RIMBP2: variants seen among roughly 807,000 people sequenced by gnomAD.
RIMBP2 encodes the protein RIMS binding protein 2.
A neutral mutation model predicts 118.6 loss-of-function variants in RIMBP2; 48 were observed. The ratio of observed to expected loss-of-function variants is 0.40; its 90% CI spans 0.32 to 0.51. RIMBP2 has a LOEUF of 0.51. Ranked by LOEUF, RIMBP2 falls within the 20% of genes least tolerant of loss-of-function variation. The pLI is 0.41. For missense variants in RIMBP2, 1,551 were observed against 1,768.3 expected (o/e 0.88, Z 2.20); for synonymous variants, 762 against 742.9 (o/e 1.03, Z -0.42).
At chr12:130,415,629 G>A (rs548263367) in intron 17 of RIMBP2, among the ~76,000 whole-genome samples, 20 of 78,734 alleles carry the variant, frequency 2.5e-4, no homozygotes, top group African/African-American at 5.2e-4. Context: ...CTGATGATAC[G>A]GCATCCATAT....
At chr12:130,480,066 T>C (rs1020211306) in intron 4 of RIMBP2, among the ~76,000 whole-genome samples, 1 of 151,640 alleles carries the variant, frequency 6.6e-6, no homozygotes, top group African/African-American at 2.4e-5. Flanking sequence ...TGGGTAGAAA[T>C]GGCCACAGCG....
rs80322150 is a variant in RIMBP2 at position 130,681,297 on chromosome 12, A to T, written c.-352+34925T>A. ...TATCTCTAAAAAAAAATAAAAAATAAAAATAAATGCATGTACTTTTTACAA... is the reference window on the plus strand; with the variant it reads ...TATCTCTAAAAAAAAATAAAAAATATAAATAAATGCATGTACTTTTTACAA... On this transcript the variant is annotated intron_variant, in intron 1 of 22. Coordinates refer to ENST00000690449, the MANE Select transcript of RIMBP2 (RefSeq NM_001393629.1). 7.9e-5 allele frequency among the ~76,000 whole-genome samples: 12 copies of T among 151,046 alleles called. No homozygotes were observed. In the East Asian group the frequency reaches 1.6e-3, roughly 20 times the overall value.
chr12:130,572,729 G>A (rs962990444), intron 2 of RIMBP2, among the ~76,000 whole-genome samples: 2 of 152,056 alleles, frequency 1.3e-5, no homozygotes, highest in African/African-American at 4.8e-5. Flanking sequence ...GACTCACAGG[G>A]TTTCTCGGTG....
intron 1 of RIMBP2, among the ~76,000 whole-genome samples, chr12:130,645,823 A>C (rs1052986221): frequency 3.9e-5 from 6 of 152,148 alleles, no homozygotes; most frequent in Non-Finnish European, 7.4e-5. Flanking sequence ...ACTTTCTTTG[A>C]ATAGAAAGAT....
chr12:130,439,143 ATGTG>A (rs2077794736), intron 11 of RIMBP2, among the ~76,000 whole-genome samples: 1 of 151,682 alleles, frequency 6.6e-6, no homozygotes, highest in African/African-American at 2.4e-5. Flanking sequence ...GTGTGTGTAT[ATGTG>A]TGTATGTGTG....
intron 2 of RIMBP2, among the ~76,000 whole-genome samples, chr12:130,583,303 A>T (rs1286420428): frequency 1.3e-5 from 2 of 152,120 alleles, no homozygotes; most frequent in Non-Finnish European, 2.9e-5. Flanking sequence ...TAAATAAGCT[A>T]ATGAAAGAAA....
At chr12:130,528,524 A>G (rs2053045657) in intron 2 of RIMBP2, among the ~76,000 whole-genome samples, 1 of 152,162 alleles carries the variant, frequency 6.6e-6, no homozygotes, top group Admixed American at 6.5e-5. Flanking sequence ...CTAGGTGATG[A>G]GTTGATAGGT....
intron 1 of RIMBP2, among the ~76,000 whole-genome samples, chr12:130,679,881 C>T (rs527456747): frequency 2.9e-3 from 432 of 150,558 alleles, no homozygotes; most frequent in Admixed American, 8.5e-3. Context: ...TCGCCCGCCA[C>T]GGGAAGGATC....
In RIMBP2 at chr12:130,422,328, A is replaced by G; in HGVS notation, c.3238+125T>C. The G allele has an allele frequency of 1.7e-6, 1 of 582,760 alleles. No homozygotes were observed. The highest frequency in any genetic ancestry group is 3.1e-6 in the Non-Finnish European group (1 of 325,480). The allele number at this position is 582,760 out of a possible 1,614,324, so 36.1% of individuals were successfully genotyped here. On this transcript the variant is annotated intron_variant, in intron 17 of 22. Coordinates refer to ENST00000690449, the MANE Select transcript of RIMBP2 (RefSeq NM_001393629.1). This position sits in a 1 kb window ranked among gnomAD's most constrained non-coding sequence, Gnocchi z 5.2. ...GTGCTGTTCCTGCCTTCTTTTTGCCATGAATAACAGTGTTCTTTGCTTAGC... is the reference window on the plus strand; with the variant it reads ...GTGCTGTTCCTGCCTTCTTTTTGCCGTGAATAACAGTGTTCTTTGCTTAGC...
At chr12:130,630,983 C>A (rs891104202) in intron 1 of RIMBP2, among the ~76,000 whole-genome samples, 1 of 151,968 alleles carries the variant, frequency 6.6e-6, no homozygotes, top group Non-Finnish European at 1.5e-5. Context: ...GGGAAAGCCA[C>A]GGGATCCAGG....
In RIMBP2 at chr12:130,414,072, C is replaced by A; in HGVS notation, c.3420+53G>T. The A allele has an allele frequency of 1.9e-6, 3 of 1,587,134 alleles. No homozygotes were observed. The Admixed American group carries it at 5.0e-5, about 26-fold the overall frequency. ...CTGTTGCCAGTCTCTGCCCCCATGA[C>A]CCAGACCCGCCTCAGGGGCTGATGA... is the stretch of plus-strand genomic sequence containing the variant. On this transcript the variant is annotated intron_variant, in intron 18 of 22. Coordinates refer to ENST00000690449, the MANE Select transcript of RIMBP2 (RefSeq NM_001393629.1).
rs568942777 is a variant in RIMBP2, at chr12:130,617,445, G to C, written c.-217+10877C>G. Among the ~76,000 whole-genome samples the C allele has an allele frequency of 9.2e-5, 14 of 152,342 alleles. No homozygotes were observed. The South Asian group carries it at 2.7e-3, about 29-fold the overall frequency. On this transcript the variant is annotated intron_variant, in intron 2 of 22. Transcript: ENST00000690449. The surrounding 1 kb of genome is among the most constrained non-coding windows in gnomAD (Gnocchi z 4.6). ...TAGCACACATTGCCCTGGGGCACCA[G>C]CTGAGAGTTCAGTCAATGCTGTGGC...
intron 19 of RIMBP2, among the ~76,000 whole-genome samples, chr12:130,408,828 C>T (rs923388359): frequency 6.6e-6 from 1 of 152,214 alleles, no homozygotes; most frequent in African/African-American, 2.4e-5. Flanking sequence ...ATCTCAACGG[C>T]AACTAAAGTC....
chr12:130,532,270 C>T (rs578216826), intron 2 of RIMBP2, among the ~76,000 whole-genome samples: 2 of 142,268 alleles, frequency 1.4e-5, no homozygotes, highest in Admixed American at 7.1e-5. Context: ...TAATGAGATG[C>T]GTATGTTTAG....
intron 2 of RIMBP2, among the ~76,000 whole-genome samples, chr12:130,598,332 T>G (rs1240602904): frequency 6.6e-6 from 1 of 152,070 alleles, no homozygotes; most frequent in Non-Finnish European, 1.5e-5. Context: ...AGATTCAACA[T>G]GACCCTGTCA....
In RIMBP2 at chr12:130,455,219, G is replaced by A. The variant is rs148989102; in HGVS notation, c.358+1277C>T. Reference sequence around the variant, plus strand: ...TTTTCCCCTGGGAAGAACGGAAACCGTCTTGTTTTCCTCCACTCTTCAGGT... The same window carrying A: ...TTTTCCCCTGGGAAGAACGGAAACCATCTTGTTTTCCTCCACTCTTCAGGT... On this transcript the variant is annotated intron_variant, in intron 7 of 22. Coordinates refer to ENST00000690449, the MANE Select transcript of RIMBP2 (RefSeq NM_001393629.1). Among the ~76,000 whole-genome samples, 48 of 152,358 alleles carry A rather than the reference G, an allele frequency of 3.2e-4. No homozygotes were observed. In the East Asian group the frequency reaches 8.1e-3, roughly 26 times the overall value.
At chr12:130,401,171 A>C (rs1166125872) in intron 21 of RIMBP2, among the ~76,000 whole-genome samples, 3 of 152,098 alleles carry the variant, frequency 2.0e-5, no homozygotes, top group Non-Finnish European at 4.4e-5. Flanking sequence ...GCTGAAGTGC[A>C]GTAGCGTGAT....
At chr12:130,584,231 T>TCACCAC (rs1402138240) in intron 2 of RIMBP2, among the ~76,000 whole-genome samples, 1 of 29,700 alleles carries the variant, frequency 3.4e-5, no homozygotes, top group African/African-American at 7.8e-5. Flanking sequence ...CACCATCACT[T>TCACCAC]CACCACCACC....
chr12:130,463,700 C>T (rs975790314), intron 6 of RIMBP2, among the ~76,000 whole-genome samples: 5 of 152,128 alleles, frequency 3.3e-5, no homozygotes, highest in Admixed American at 6.5e-5. Flanking sequence ...GTGTCAGAGG[C>T]GTTCAAACCA....
Sources: allele counts gnomAD v4.1 joint callset (sites outside exome capture counted in the v4.1 genomes callset), GRCh38; gene constraint gnomAD v4.1.1; non-coding constraint Gnocchi (gnomAD v3.1); transcripts MANE v1.5; gene names NCBI Gene and HGNC (gene_info 2026-07-23, HGNC 2026-07-21).